ADAMDEC1: variants seen among roughly 807,000 people sequenced by gnomAD.
ADAMDEC1 encodes ADAM DEC1.
ADAMDEC1 carries 62 observed loss-of-function variants against 60.4 expected under a neutral mutation model. The observed-to-expected ratio is 1.03, with a 90% confidence interval of 0.84 to 1.27. ADAMDEC1 has a LOEUF of 1.27. Ranked by LOEUF, ADAMDEC1 falls within the 50% of genes most tolerant of loss-of-function variation. The probability of loss-of-function intolerance (pLI) is 0.00; values close to 1 mark genes in which losing one functional copy is unlikely to be tolerated. For missense variants in ADAMDEC1, 595 were observed against 565.0 expected, an observed-to-expected ratio of 1.05 and a Z score of -0.54; for synonymous variants, 210 against 195.1, an observed-to-expected ratio of 1.08 and a Z score of -0.64.
At chr8:24,387,280 G>A (rs1263855371) in intron 1 of ADAMDEC1, 3 of 152,146 alleles carry the variant, frequency 2.0e-5, no homozygotes, top group Non-Finnish European at 2.9e-5. Flanking sequence ...AATATATTGG[G>A]AGAGAGGGCT....
Position 24,397,331 on chromosome 8 carries a change from A to AAAG in ADAMDEC1, c.505_507dup (p.Glu169dup). The AAAG allele has an allele frequency of 6.2e-7, 1 of 1,614,076 alleles. No homozygotes were observed. ...AAAACCTCTGAAAAGCACAGACGAG[A>AAAG]AAGAACATGCCGTCTTTACATCTAA... On this transcript the variant is annotated inframe_insertion, in exon 6 of 14. Coordinates refer to ENST00000256412, the MANE Select transcript of ADAMDEC1 (RefSeq NM_014479.3).
chr8:24,399,023 C>A lies in ADAMDEC1; in HGVS notation c.912C>A (p.Asp304Glu). 6 of 1,612,930 alleles carry A rather than the reference C, an allele frequency of 3.7e-6. No homozygotes were observed. Among genetic ancestry groups the A allele is most frequent in the Non-Finnish European group, 5.1e-6 (6 of 1,179,504 alleles). Residue 304 changes from aspartate (D) to glutamate (E), a missense_variant, in exon 9 of 14, where the codon GAC becomes GAA. Transcript: ENST00000256412. ...CTAACCTGGGGAAAAAGATCCACGA[C>A]CATGCTCAGCTTCTCAGGTGAGCAC... ...HSSNLGKKIH[D>E]HAQLLSGISF...
At chr8:24,385,006 C>T (rs1185237073) in intron 1 of ADAMDEC1, among the ~76,000 whole-genome samples, 11 of 152,026 alleles carry the variant, frequency 7.2e-5, no homozygotes, top group Admixed American at 7.2e-4. Flanking sequence ...TGGGATATTT[C>T]CTTGAGAAAA....
chr8:24,394,649 A>G (rs1817558803), intron 4 of ADAMDEC1, among the ~76,000 whole-genome samples: 2 of 152,184 alleles, frequency 1.3e-5, no homozygotes. Flanking sequence ...AGAGAATACA[A>G]TAAATCTCAA....
chr8:24,395,259 C>A (rs372496281), intron 4 of ADAMDEC1, among the ~76,000 whole-genome samples: 9 of 152,322 alleles, frequency 5.9e-5, no homozygotes, highest in African/African-American at 1.7e-4. Flanking sequence ...ATAGATGTCT[C>A]ATTTTACTTA....
intron 5 of ADAMDEC1, among the ~76,000 whole-genome samples, chr8:24,396,583 C>T (rs1367619477): frequency 2.0e-5 from 3 of 151,716 alleles, no homozygotes; most frequent in African/African-American, 7.3e-5. Flanking sequence ...CTGTTATTAA[C>T]ATTTTGTCAT....
In ADAMDEC1 at chr8:24,401,977, C is replaced by T; in HGVS notation, c.1205C>T (p.Ser402Phe). 6.2e-7 allele frequency: 1 copy of T among 1,613,354 alleles called. No individual in the cohort carries two copies. The highest frequency in any genetic ancestry group is 8.5e-7 in the Non-Finnish European group (1 of 1,179,598). ...CRAHFERYLL[S>F]QKPKCLLQAP... ...GCACATTTTGAAAGATACCTTTTATCTCAGAAACCAAAGTGCCTGCTGCAA... is the reference window on the plus strand; with the variant it reads ...GCACATTTTGAAAGATACCTTTTATTTCAGAAACCAAAGTGCCTGCTGCAA... The change falls in exon 12 of 14, where the codon TCT becomes TTT. Residue 402 changes from serine (S) to phenylalanine (F), a missense_variant. Transcript: ENST00000256412.
intron 4 of ADAMDEC1, among the ~76,000 whole-genome samples, chr8:24,394,730 A>T (rs948717021): frequency 6.6e-6 from 1 of 151,438 alleles, no homozygotes; most frequent in Admixed American, 6.6e-5. Context: ...CTAAACCTGC[A>T]TTTCTCTATA....
chr8:24,400,962 G>C (rs1817751339), intron 11 of ADAMDEC1, among the ~76,000 whole-genome samples: 1 of 128,482 alleles, frequency 7.8e-6, no homozygotes, highest in Admixed American at 8.3e-5. Flanking sequence ...CAAAGGACAT[G>C]AACTCATCAT....
At chr8:24,403,410 C>A (rs1365318287) in intron 12 of ADAMDEC1, among the ~76,000 whole-genome samples, 1 of 151,784 alleles carries the variant, frequency 6.6e-6, no homozygotes, top group Admixed American at 6.6e-5. Context: ...ATATTTCTCC[C>A]AGGCATCACA....
intron 1 of ADAMDEC1, among the ~76,000 whole-genome samples, chr8:24,386,546 A>G (rs1423207233): frequency 1.3e-5 from 2 of 152,134 alleles, no homozygotes; most frequent in African/African-American, 4.8e-5. Context: ...CCTTGTCCCT[A>G]TATGATCAGC....
chr8:24,404,748 A>G (rs1200352820), intron 13 of ADAMDEC1, among the ~76,000 whole-genome samples: 1 of 152,202 alleles, frequency 6.6e-6, no homozygotes, highest in Non-Finnish European at 1.5e-5. Flanking sequence ...CTGGAATTGA[A>G]ACTGCAGAGA....
Position 24,405,395 on chromosome 8 carries a change from T to G in ADAMDEC1, c.*97T>G, listed in dbSNP as rs1459378723. 4 of 1,372,914 alleles carry G rather than the reference T, an allele frequency of 2.9e-6. No individual in the cohort carries two copies. Among genetic ancestry groups the G allele is most frequent in the Non-Finnish European group, 4.1e-6 (4 of 975,546 alleles). The allele number at this position is 1,372,914 out of a possible 1,614,324, so 85.0% of individuals were successfully genotyped here. ...TCTTGTGAATTTTCACCCATAATGG[T>G]CTTTCACTTGTCATTCTACTTTCTA... On this transcript the variant is annotated 3_prime_UTR_variant, in exon 14 of 14. Coordinates refer to ENST00000256412, the MANE Select transcript of ADAMDEC1 (RefSeq NM_014479.3).
chr8:24,400,632 CATAT>C (rs35748437), intron 11 of ADAMDEC1, among the ~76,000 whole-genome samples: 6 of 145,864 alleles, frequency 4.1e-5, no homozygotes, highest in African/African-American at 1.0e-4. Flanking sequence ...TGTTTCTTTT[CATAT>C]ATATATATAT....
chr8:24,391,311 T>C (rs1430336805), intron 1 of ADAMDEC1, among the ~76,000 whole-genome samples: 1 of 152,214 alleles, frequency 6.6e-6, no homozygotes, highest in African/African-American at 2.4e-5. Context: ...CTTGTATGAA[T>C]GATTGAATAA....
intron 1 of ADAMDEC1, among the ~76,000 whole-genome samples, chr8:24,390,744 CAAA>C (rs1252393662): frequency 1.3e-5 from 2 of 150,710 alleles, no homozygotes; most frequent in Non-Finnish European, 2.9e-5. Context: ...CAAAACAAAA[CAAA>C]ACAACAATAA....
At chr8:24,393,382 G>A in intron 3 of ADAMDEC1, 44 bp downstream of exon 3, 1 of 1,341,444 alleles carries the variant, frequency 7.5e-7, no homozygotes, top group Non-Finnish European at 1.0e-6. Flanking sequence ...ATTAGGTTAT[G>A]AAATTGGGGA....
At chr8:24,402,158 T>C in intron 12 of ADAMDEC1, 66 bp downstream of exon 12, 1 of 1,398,242 alleles carries the variant, frequency 7.2e-7, no homozygotes, top group Non-Finnish European at 9.7e-7. Flanking sequence ...TCCAATATTC[T>C]TTTGGAAATT....
chr8:24,397,213 A>G, intron 5 of ADAMDEC1, 57 bp from the exon 6 acceptor site: 1 of 1,519,512 alleles, frequency 6.6e-7, no homozygotes, highest in Admixed American at 2.1e-5. Flanking sequence ...CATTCTTGGA[A>G]GCAAATATGA....
Sources: allele counts gnomAD v4.1 joint callset (sites outside exome capture counted in the v4.1 genomes callset), GRCh38; gene constraint gnomAD v4.1.1; transcripts MANE v1.5; gene names NCBI Gene and HGNC (gene_info 2026-07-23, HGNC 2026-07-21).